Variants in PALMD observed in about 807,000 individuals in gnomAD.
The protein encoded by PALMD is paralemmin-like protein.
Under a neutral mutation model 56.2 loss-of-function variants are expected in PALMD, and 42 were observed. The ratio of observed to expected loss-of-function variants is 0.75; its 90% CI spans 0.58 to 0.97. The LOEUF (loss-of-function observed/expected upper bound fraction) is 0.97. Ranked by LOEUF, PALMD falls within the 50% of genes least tolerant of loss-of-function variation. The pLI is 0.00. For synonymous variants in PALMD, 242 were observed against 222.9 expected (o/e 1.09, Z -0.76); for missense variants, 660 against 643.8 (o/e 1.03, Z -0.27).
chr1:99,691,233 C>T (rs1653645165), intron 7 of PALMD, among the ~76,000 whole-genome samples: 1 of 152,148 alleles, frequency 6.6e-6, no homozygotes, highest in Non-Finnish European at 1.5e-5. Flanking sequence ...GAGGAACACA[C>T]TGTTTACGGT....
chr1:99,652,098 T>A (rs1454349638), intron 1 of PALMD, among the ~76,000 whole-genome samples: 1 of 152,234 alleles, frequency 6.6e-6, no homozygotes, highest in African/African-American at 2.4e-5. Context: ...ATCCATTTTA[T>A]CTCATTTGTC....
At chr1:99,690,829 A>C (rs943768241) in intron 7 of PALMD, among the ~76,000 whole-genome samples, 22 of 152,166 alleles carry the variant, frequency 1.4e-4, no homozygotes, top group African/African-American at 5.3e-4. Context: ...ATAAATATTA[A>C]GTACTGGCTA....
chr1:99,681,829 A>G (rs1460592281), intron 3 of PALMD, among the ~76,000 whole-genome samples: 2 of 152,200 alleles, frequency 1.3e-5, no homozygotes, highest in Non-Finnish European at 2.9e-5. Flanking sequence ...AAATATCCCC[A>G]GGGAACAAAA....
rs145319804 is a variant in PALMD at position 99,652,922 on chromosome 1, G to A, written c.45+6560G>A. Among the ~76,000 whole-genome samples, 936 of 152,240 alleles carry A rather than the reference G, an allele frequency of 6.1e-3. 10 individuals carry two copies. Among genetic ancestry groups the A allele is most frequent in the African/African-American group, 0.022 (899 of 41,540 alleles). ...TGCAAGGAATAGAAGTGGGCAAGAA[G>A]AGACTGTGGTGTCATTTCAGAAGTA... On this transcript the variant is annotated intron_variant, in intron 1 of 7. Coordinates refer to ENST00000263174, the MANE Select transcript of PALMD (RefSeq NM_017734.5).
At chr1:99,682,925 G>A (rs1444677571) in intron 3 of PALMD, among the ~76,000 whole-genome samples, 5 of 151,434 alleles carry the variant, frequency 3.3e-5, no homozygotes, top group South Asian at 2.1e-4. Context: ...AGAATCGCTC[G>A]AACCTGGGAG....
chr1:99,653,272 A>T (rs954492865), intron 1 of PALMD, among the ~76,000 whole-genome samples: 2 of 152,002 alleles, frequency 1.3e-5, no homozygotes, highest in Non-Finnish European at 2.9e-5. Flanking sequence ...CTGCTGACAG[A>T]TTTTTTTTCA....
chr1:99,674,566 T>C (rs535581854), intron 3 of PALMD, among the ~76,000 whole-genome samples: 1 of 151,924 alleles, frequency 6.6e-6, no homozygotes, highest in Non-Finnish European at 1.5e-5. Context: ...CATATGTAAG[T>C]CTTTGAGTCT....
At chr1:99,673,361 G>A (rs896696470) in intron 3 of PALMD, among the ~76,000 whole-genome samples, 10 of 152,010 alleles carry the variant, frequency 6.6e-5, no homozygotes, top group African/African-American at 9.6e-5. Context: ...CCTCAAACAC[G>A]GGTGAGATAT....
intron 3 of PALMD, chr1:99,684,045 T>C (rs1335533215): frequency 6.6e-6 from 1 of 152,258 alleles, no homozygotes; most frequent in Admixed American, 6.5e-5. Context: ...TTACAGCCCC[T>C]ATCCTGCTTT....
At chr1:99,670,234 T>C (rs1653052277) in intron 3 of PALMD, among the ~76,000 whole-genome samples, 1 of 152,200 alleles carries the variant, frequency 6.6e-6, no homozygotes, top group Non-Finnish European at 1.5e-5. Flanking sequence ...ACTACAACTT[T>C]TAGATCTTCA....
intron 1 of PALMD, among the ~76,000 whole-genome samples, chr1:99,651,773 A>G (rs1248086642): frequency 6.6e-6 from 1 of 152,202 alleles, no homozygotes; most frequent in Non-Finnish European, 1.5e-5. Context: ...GTTTTTACAT[A>G]AAATCCCAGG....
At chr1:99,678,164 C>T (rs1222006821) in intron 3 of PALMD, among the ~76,000 whole-genome samples, 3 of 150,974 alleles carry the variant, frequency 2.0e-5, no homozygotes, top group Admixed American at 6.6e-5. Flanking sequence ...GCTGGAGTGC[C>T]GTGGCATGAA....
At chr1:99,665,192 G>T (rs893312572) in intron 2 of PALMD, among the ~76,000 whole-genome samples, 6 of 151,998 alleles carry the variant, frequency 3.9e-5, no homozygotes, top group Non-Finnish European at 5.9e-5. Context: ...TAACTTCTGG[G>T]TAGATATAGA....
At chr1:99,688,399 T>G (rs1018156119) in intron 6 of PALMD, among the ~76,000 whole-genome samples, 1 of 152,160 alleles carries the variant, frequency 6.6e-6, no homozygotes, top group African/African-American at 2.4e-5. Context: ...AAGAGATTGA[T>G]TCTGCCCATT....
chr1:99,653,431 C>T (rs943254349), intron 1 of PALMD, among the ~76,000 whole-genome samples: 4 of 152,042 alleles, frequency 2.6e-5, no homozygotes, highest in Admixed American at 6.5e-5. Context: ...GTAAAACACA[C>T]GCTGGATTCT....
At chr1:99,687,008 G>T in intron 5 of PALMD, 45 bp downstream of exon 5, 1 of 1,520,994 alleles carries the variant, frequency 6.6e-7, no homozygotes, top group Non-Finnish European at 9.0e-7. Context: ...AAGTTTTTTT[G>T]GTAATTTGAA....
intron 7 of PALMD, among the ~76,000 whole-genome samples, chr1:99,693,577 A>G (rs1458896406): frequency 6.6e-6 from 1 of 152,188 alleles, no homozygotes; most frequent in Non-Finnish European, 1.5e-5. Context: ...CAAAGGCCAG[A>G]GCTCCTTTGG....
At chr1:99,683,003 CTCCAAAAAGAAAGAAG>C (rs370803218) in intron 3 of PALMD, among the ~76,000 whole-genome samples, 3,541 of 131,044 alleles carry the variant, frequency 0.027, 386 homozygotes, top group African/African-American at 0.099. Flanking sequence ...AAGACTCTGT[CTCCAAAAAGAAAGAAG>C]GAAAGAAAGA....
rs1247040209 is a variant in PALMD at position 99,688,846 on chromosome 1, C to T, written c.586C>T (p.Pro196Ser). 6.2e-7 allele frequency: 1 copy of T among 1,612,032 alleles called. No individual in the cohort carries two copies. Among genetic ancestry groups the T allele is most frequent in the East Asian group, 2.2e-5 (1 of 44,862 alleles). The part of the protein sequence containing the change: ...TGESTVLSSI[P>S]LPSDDFKGTG... ...AGAAAGTACAGTTCTGTCTTCAATACCTCTGCCATCAGATGACTTTAAAGG... is the reference window on the plus strand; with the variant it reads ...AGAAAGTACAGTTCTGTCTTCAATATCTCTGCCATCAGATGACTTTAAAGG... The change falls in exon 7 of 8, where the codon CCT becomes TCT. Residue 196 changes from proline (P) to serine (S), a missense_variant. Transcript: ENST00000263174.
Sources: allele counts gnomAD v4.1 joint callset (sites outside exome capture counted in the v4.1 genomes callset), GRCh38; gene constraint gnomAD v4.1.1; transcripts MANE v1.5; gene names NCBI Gene and HGNC (gene_info 2026-07-23, HGNC 2026-07-21).